POLK: variants seen among roughly 807,000 people sequenced by gnomAD.
POLK encodes the protein DNA polymerase kappa, also known as polymerase (DNA directed) kappa.
A neutral mutation model predicts 94.0 loss-of-function variants in POLK; 76 were observed. That is an observed-to-expected ratio of 0.81 (90% CI 0.67 to 0.98). The LOEUF (loss-of-function observed/expected upper bound fraction) is 0.98. Among genes scored for constraint, POLK ranks in the 50% least tolerant of loss-of-function variants. The probability of loss-of-function intolerance (pLI) is 0.00; values close to 1 mark genes in which losing one functional copy is unlikely to be tolerated. For missense variants in POLK, 954 were observed against 1,010.1 expected, an observed-to-expected ratio of 0.94 and a Z score of 0.75; for synonymous variants, 349 against 325.4, an observed-to-expected ratio of 1.07 and a Z score of -0.78.
chr5:75,513,072 C>CA (rs1768147098), intron 1 of POLK: 1 of 152,192 alleles, frequency 6.6e-6, no homozygotes, highest in African/African-American at 2.4e-5. Flanking sequence ...ATCCCAGTAT[C>CA]ATATTTTTTT....
chr5:75,571,729 A>AT (rs1265480876), intron 4 of POLK, among the ~76,000 whole-genome samples: 4 of 152,280 alleles, frequency 2.6e-5, no homozygotes, highest in Non-Finnish European at 5.9e-5. Flanking sequence ...CCTTCACATT[A>AT]TTTTTATCAA....
chr5:75,548,073 C>T (rs1770144061), intron 2 of POLK, among the ~76,000 whole-genome samples: 1 of 152,078 alleles, frequency 6.6e-6, no homozygotes, highest in African/African-American at 2.4e-5. Context: ...TAGGCACATG[C>T]CACCAAGCCT....
intron 1 of POLK, among the ~76,000 whole-genome samples, chr5:75,517,711 G>A (rs1349792878): frequency 6.6e-6 from 1 of 152,198 alleles, no homozygotes; most frequent in Non-Finnish European, 1.5e-5. Flanking sequence ...TCCTTGTCTT[G>A]TTCCAGATCT....
downstream of POLK, among the ~76,000 whole-genome samples, chr5:75,603,463 A>T (rs1010023445): frequency 1.2e-4 from 18 of 151,644 alleles, no homozygotes; most frequent in African/African-American, 4.4e-4. Flanking sequence ...AAAGCTCTCA[A>T]CTGTCTCCAA....
intron 3 of POLK, among the ~76,000 whole-genome samples, chr5:75,558,285 C>A (rs1463059898): frequency 6.7e-6 from 1 of 150,276 alleles, no homozygotes; most frequent in Non-Finnish European, 1.5e-5. Context: ...TTCCTCATAA[C>A]CATGCCTATG....
intron 4 of POLK, among the ~76,000 whole-genome samples, chr5:75,572,157 G>A (rs985250087): frequency 2.0e-5 from 3 of 152,134 alleles, no homozygotes; most frequent in Non-Finnish European, 4.4e-5. Context: ...TTTATAAATA[G>A]TACTGTGGTC....
intron 1 of POLK, among the ~76,000 whole-genome samples, chr5:75,530,447 C>T (rs1182730544): frequency 7.8e-6 from 1 of 128,228 alleles, no homozygotes; most frequent in Non-Finnish European, 1.6e-5. Flanking sequence ...CTTTGTCATC[C>T]AGGCTGGAGT....
At chr5:75,577,423 C>T (rs1251616852) in intron 6 of POLK, among the ~76,000 whole-genome samples, 2 of 152,164 alleles carry the variant, frequency 1.3e-5, no homozygotes, top group African/African-American at 2.4e-5. Context: ...ACTTCCCACT[C>T]CCTTCTTTGC....
chr5:75,516,802 A>T (rs1768343989), intron 1 of POLK, among the ~76,000 whole-genome samples: 1 of 152,224 alleles, frequency 6.6e-6, no homozygotes, highest in African/African-American at 2.4e-5. Flanking sequence ...TGATTTTTGT[A>T]TCAAAAATCA....
chr5:75,513,001 G>A (rs1388753108), intron 1 of POLK: 1 of 152,192 alleles, frequency 6.6e-6, no homozygotes, highest in Non-Finnish European at 1.5e-5. Flanking sequence ...GGTGGTAGGT[G>A]CCTGTAACTC....
At chr5:75,597,156 C>A in exon 13 of POLK, 2 of 1,587,494 alleles carry the variant, frequency 1.3e-6, no homozygotes, top group South Asian at 2.2e-5. Context: ...TTAATCAACC[C>A]AAAGAAAGCT....
At chr5:75,540,283 A>ATTT (rs1394796650) in intron 1 of POLK, among the ~76,000 whole-genome samples, 3 of 143,434 alleles carry the variant, frequency 2.1e-5, no homozygotes, top group Non-Finnish European at 4.6e-5. Flanking sequence ...TTCTGTTGTA[A>ATTT]TTTTTTTTTT....
intron 1 of POLK, among the ~76,000 whole-genome samples, chr5:75,523,497 T>A (rs911597858): frequency 6.6e-6 from 1 of 152,224 alleles, no homozygotes; most frequent in African/African-American, 2.4e-5. Context: ...ATGTGTAAAG[T>A]TAAGAAATAC....
chr5:75,571,902 A>T (rs1398775708), intron 4 of POLK, among the ~76,000 whole-genome samples: 1 of 152,194 alleles, frequency 6.6e-6, no homozygotes, highest in Non-Finnish European at 1.5e-5. Context: ...TATGTCAATT[A>T]TATTAAACTT....
intron 1 of POLK, 194 bp downstream of exon 1, chr5:75,512,108 A>C (rs1208678297): frequency 3.6e-6 from 1 of 278,360 alleles, no homozygotes; most frequent in African/African-American, 2.2e-5. Flanking sequence ...CCTGCTTTCC[A>C]GGGCGGCTTG....
chr5:75,530,653 T>C (rs1769127151), intron 1 of POLK, among the ~76,000 whole-genome samples: 1 of 151,858 alleles, frequency 6.6e-6, no homozygotes, highest in Non-Finnish European at 1.5e-5. Context: ...TTACAATTAT[T>C]GTGTTTGTAA....
chr5:75,593,756 T>C (rs1581103313), intron 11 of POLK, 122 bp from the exon 12 acceptor site: 2 of 512,212 alleles, frequency 3.9e-6, no homozygotes, highest in East Asian at 3.3e-5. Context: ...GGCAAGAGGA[T>C]TGCTTGAACC....
intron 3 of POLK, chr5:75,568,536 G>A (rs964306158): frequency 7.7e-5 from 14 of 182,718 alleles, no homozygotes; most frequent in African/African-American, 1.2e-4. Flanking sequence ...TTTCTTTCTC[G>A]TTGTAAAACT....
intron 4 of POLK, among the ~76,000 whole-genome samples, chr5:75,573,313 C>T (rs1450354426): frequency 3.3e-5 from 5 of 151,616 alleles, no homozygotes; most frequent in African/African-American, 7.3e-5. Flanking sequence ...AATTGAACAA[C>T]GAGAACACGT....
Sources: allele counts gnomAD v4.1 joint callset (sites outside exome capture counted in the v4.1 genomes callset), GRCh38; gene constraint gnomAD v4.1.1; transcripts MANE v1.5; gene names NCBI Gene and HGNC (gene_info 2026-07-23, HGNC 2026-07-21).